Variants in GTPBP1 observed in about 807,000 individuals in gnomAD.
The protein encoded by GTPBP1 is GTP binding protein 1, also known as GTP-binding protein 1.
GTPBP1 carries 23 observed loss-of-function variants against 62.0 expected under a neutral mutation model. The observed-to-expected ratio is 0.37, with a 90% CI of 0.27 to 0.53. The LOEUF is 0.53. Among genes scored for constraint, GTPBP1 ranks in the 20% least tolerant of loss-of-function variants. GTPBP1 has a pLI of 0.89. For missense variants in GTPBP1, 640 were observed against 917.3 expected (o/e 0.70, Z 3.90); for synonymous variants, 344 against 364.4 (o/e 0.94, Z 0.64).
At chr22:38,741,029 G>T, downstream of GTPBP1, 1 of 1,598,458 alleles carries the variant, frequency 6.3e-7, no homozygotes, top group Admixed American at 1.7e-5. Flanking sequence ...GACTTCAGCT[G>T]CTGGATGCGA....
chr22:38,740,626 A>T, downstream of GTPBP1: 1 of 585,324 alleles, frequency 1.7e-6, no homozygotes, highest in Non-Finnish European at 2.9e-6. The surrounding 1 kb of genome is among the most constrained non-coding windows in gnomAD (Gnocchi z 4.8). Flanking sequence ...CAAGGAGCTA[A>T]TTCTGAGCCT....
intron 2 of GTPBP1, among the ~76,000 whole-genome samples, chr22:38,711,529 C>T (rs568464350): frequency 6.6e-6 from 1 of 152,016 alleles, no homozygotes; most frequent in Non-Finnish European, 1.5e-5. Flanking sequence ...TTTTAAGGGT[C>T]CCAGGTTGTA....
In GTPBP1 at chr22:38,728,102, A is replaced by C. The variant is rs1411688795; in HGVS notation, c.1657A>C (p.Ile553Leu). ...RFIKTPEYLH[I>L]DQRLVFREGR... ...CATCAAGACCCCTGAGTACCTGCAC[A>C]TAGACCAGCGGCTGGTGTTCCGGGA... The change falls in exon 10 of 12, where the codon ATA becomes CTA. Residue 553 changes from isoleucine to leucine, a missense_variant. Physicochemically the swap from Ile to Leu is conservative, Grantham distance 5. Around this residue, in one of 4 missense-constraint regions of GTPBP1, gnomAD observed 220 missense variants for 358.1 expected, o/e 0.61. Transcript: ENST00000216044. 1 of 1,613,718 alleles carries C rather than the reference A, an allele frequency of 6.2e-7. No homozygotes were observed. Among genetic ancestry groups the C allele is most frequent in the South Asian group, 1.1e-5 (1 of 91,080 alleles).
downstream of GTPBP1, chr22:38,738,337 C>T: frequency 1.5e-6 from 2 of 1,348,086 alleles, no homozygotes; most frequent in Non-Finnish European, 2.1e-6. The surrounding 1 kb of genome is among the most constrained non-coding windows in gnomAD (Gnocchi z 6.6). Flanking sequence ...CCAATCCCTG[C>T]TCCTCCCACC....
chr22:38,712,773 G>A (rs913324329), intron 2 of GTPBP1, among the ~76,000 whole-genome samples: 3 of 152,140 alleles, frequency 2.0e-5, no homozygotes, highest in African/African-American at 7.2e-5. Context: ...CAGGAGCAGG[G>A]GAGGTTGAAT....
chr22:38,716,305 T>C lies in GTPBP1; in HGVS notation c.485+218T>C, dbSNP rs1360239538. 1.7e-6 allele frequency: 1 copy of C among 590,854 alleles called. No individual in the cohort carries two copies. The highest frequency in any genetic ancestry group is 3.0e-6 in the Non-Finnish European group (1 of 333,384). The allele number at this position is 590,854 out of a possible 1,614,324, so 36.6% of individuals were successfully genotyped here. On this transcript the variant is annotated intron_variant, in intron 3 of 11. Transcript: ENST00000216044. The surrounding 1 kb of genome is among the most constrained non-coding windows in gnomAD (Gnocchi z 5.2). The stretch of plus-strand genomic sequence containing the variant: ...CCAGCCGTGCATTCTGTGGCCATTC[T>C]CTGTGGGTGTGTTTCTTTTCCCTTC...
intron 5 of GTPBP1, 113 bp from the exon 6 acceptor site, chr22:38,724,184 T>TTTAA (rs2092715260): frequency 2.9e-6 from 2 of 685,014 alleles, no homozygotes; most frequent in African/African-American, 3.5e-5. Context: ...CACTGGTCCA[T>TTTAA]CTATCTGTCT....
chr22:38,724,182 CATCT>C (rs1396852465), intron 5 of GTPBP1, 111 bp from the exon 6 acceptor site: 4 of 674,504 alleles, frequency 5.9e-6, no homozygotes, highest in Non-Finnish European at 1.1e-5. Context: ...AACACTGGTC[CATCT>C]ATCTGTCTGT....
chr22:38,729,509 G>A lies in GTPBP1; in HGVS notation c.1764G>A (p.Gln588=). Residue 588 remains glutamine (Q), a synonymous_variant, in exon 11 of 12, where the codon CAG becomes CAA. Transcript: ENST00000216044. ...NNSPMNSKPQ[Q]IKMQSTKKGP... Reference sequence around the variant, plus strand: ...CCCCAATGAACTCCAAGCCGCAGCAGATTAAAATGCAGTCGACGAAAAAGG... The same window carrying A: ...CCCCAATGAACTCCAAGCCGCAGCAAATTAAAATGCAGTCGACGAAAAAGG... 7 of 1,609,974 alleles carry A rather than the reference G, an allele frequency of 4.3e-6. No individual in the cohort carries two copies. The highest frequency in any genetic ancestry group is 5.9e-6 in the Non-Finnish European group (7 of 1,178,390).
At chr22:38,739,343 T>A, downstream of GTPBP1, 3 of 1,613,000 alleles carry the variant, frequency 1.9e-6, no homozygotes, top group Non-Finnish European at 2.5e-6. This position sits in a 1 kb window ranked among gnomAD's most constrained non-coding sequence, Gnocchi z 6.7. Flanking sequence ...AGCACGTACC[T>A]CCTGACTCCA....
intron 2 of GTPBP1, among the ~76,000 whole-genome samples, chr22:38,712,059 T>C (rs919316824): frequency 6.6e-6 from 1 of 151,982 alleles, no homozygotes; most frequent in Non-Finnish European, 1.5e-5. Flanking sequence ...TTTTGTATTT[T>C]TATTAGAGAC....
chr22:38,706,125 C>A lies in GTPBP1; in HGVS notation c.170C>A (p.Pro57Gln). Residue 57 changes from proline (P) to glutamine (Q), a missense_variant, in exon 1 of 12, where the codon CCA becomes CAA. Pro to Gln is a moderately conservative substitution (Grantham distance 76, BLOSUM62 -1). Around this residue, in one of 4 missense-constraint regions of GTPBP1, gnomAD observed 215 missense variants for 235.1 expected, o/e 0.91. Coordinates refer to ENST00000216044, the MANE Select transcript of GTPBP1 (RefSeq NM_004286.5). ...GACGGCGAGGCGCTCAACGGCGAGCCAGAGCTGGACCTCACCAGCAAGGTA... is the reference window on the plus strand; with the variant it reads ...GACGGCGAGGCGCTCAACGGCGAGCAAGAGCTGGACCTCACCAGCAAGGTA... ...SEDGEALNGE[P>Q]ELDLTSKLVL... 4 of 1,290,638 alleles carry A rather than the reference C, an allele frequency of 3.1e-6. No individual in the cohort carries two copies. The highest frequency in any genetic ancestry group is 4.3e-5 in the South Asian group (2 of 45,988). The allele number at this position is 1,290,638 out of a possible 1,614,324, so 79.9% of individuals were successfully genotyped here.
rs1556001665 is a variant in GTPBP1 at position 38,731,010 on chromosome 22, T to TTTTGTGTG, written c.*307_*308insTTGTGTGT. On this transcript the variant is annotated 3_prime_UTR_variant, in exon 12 of 12. Coordinates refer to ENST00000216044, the MANE Select transcript of GTPBP1 (RefSeq NM_004286.5). ...TATTATATGTCTCTGTCTCTCTCTA[T>TTTTGTGTG]TGTGTGTGTGTGTGTGTGTGTGTGT... 3.8e-5 allele frequency: 7 copies of TTTTGTGTG among 183,766 alleles called. No homozygotes were observed. The highest frequency in any genetic ancestry group is 3.1e-4 in the East Asian group (2 of 6,374). 11.4% of individuals were successfully genotyped at this position (183,766 alleles called of 1,614,324 possible).
At chr22:38,722,867 C>T in intron 5 of GTPBP1, 1 of 1,437,974 alleles carries the variant, frequency 7.0e-7, no homozygotes, top group Non-Finnish European at 9.8e-7. Context: ...ACGCCTTCAC[C>T]AAGTGGAGGG....
chr22:38,723,130 C>G, intron 5 of GTPBP1: 1 of 787,382 alleles, frequency 1.3e-6, no homozygotes, highest in South Asian at 1.4e-5. Context: ...CTTCACAGTT[C>G]ACATCATGAA....
downstream of GTPBP1, chr22:38,735,328 G>C: frequency 2.3e-6 from 1 of 436,414 alleles, no homozygotes; most frequent in South Asian, 1.6e-5. Context: ...GTGGGGGCCG[G>C]TGCAGACAGA....
Position 38,729,467 on chromosome 22 carries a change from C to T in GTPBP1, c.1722C>T (p.Leu574=), listed in dbSNP as rs772195415. The change falls in exon 11 of 12, where the codon CTC becomes CTT. Residue 574 remains leucine, a synonymous_variant. Transcript: ENST00000216044. ...TCTCTCCATGGCTCCCACAGCTCCT[C>T]CAGACCACCAACAACTCCCCAATGA... ...TKAVGTITKL[L]QTTNNSPMNS... 1.2e-6 allele frequency: 2 copies of T among 1,602,324 alleles called. No homozygotes were observed. The highest frequency in any genetic ancestry group is 1.7e-5 in the Admixed American group (1 of 58,358).
chr22:38,723,015 T>C (rs1024281939), intron 5 of GTPBP1: 22 of 819,142 alleles, frequency 2.7e-5, no homozygotes, highest in Non-Finnish European at 4.4e-5. Context: ...GGAAGTTTGC[T>C]CAAATCTGAC....
chr22:38,722,886 A>G (rs2092707991), intron 5 of GTPBP1: 1 of 1,342,924 alleles, frequency 7.4e-7, no homozygotes, highest in Non-Finnish European at 1.1e-6. Flanking sequence ...GGTTTCTTCC[A>G]CGCTTCGGCC....
Sources: allele counts gnomAD v4.1 joint callset (sites outside exome capture counted in the v4.1 genomes callset), GRCh38; gene constraint gnomAD v4.1.1; regional missense constraint gnomAD v4.1.1; non-coding constraint Gnocchi (gnomAD v3.1); transcripts MANE v1.5; gene names NCBI Gene and HGNC (gene_info 2026-07-23, HGNC 2026-07-21).